Variants in MYL1 observed in about 807,000 individuals in gnomAD.
MYL1 encodes the protein myosin light chain 1/3, skeletal muscle isoform.
A neutral mutation model predicts 21.8 loss-of-function variants in MYL1; 16 were observed. The observed-to-expected ratio is 0.74, with a 90% confidence interval of 0.50 to 1.12. MYL1 has a LOEUF of 1.12. MYL1 is among the 50% of genes most tolerant of loss of function. The pLI is 0.00. For missense variants in MYL1, 246 were observed against 241.0 expected, an observed-to-expected ratio of 1.02 and a Z score of -0.14; for synonymous variants, 99 against 85.2, an observed-to-expected ratio of 1.16 and a Z score of -0.89.
chr2:210,308,796 C>T (rs1229030536), intron 1 of MYL1, among the ~76,000 whole-genome samples: 1 of 151,932 alleles, frequency 6.6e-6, no homozygotes, highest in Non-Finnish European at 1.5e-5. Context: ...TTCTTGAGAG[C>T]TGGCCATACT....
At chr2:210,310,261 C>T (rs574000877) in intron 1 of MYL1, among the ~76,000 whole-genome samples, 10 of 152,064 alleles carry the variant, frequency 6.6e-5, no homozygotes, top group East Asian at 5.8e-4. Flanking sequence ...CTGTGTTTTT[C>T]GAATTAGAAA....
At chr2:210,304,843 A>G (rs1315117815) in intron 1 of MYL1, among the ~76,000 whole-genome samples, 1 of 152,168 alleles carries the variant, frequency 6.6e-6, no homozygotes, top group African/African-American at 2.4e-5. Context: ...CCAAAACTGT[A>G]TTTTAGAATT....
At chr2:210,292,778 T>C (rs1389063460) in intron 5 of MYL1, among the ~76,000 whole-genome samples, 1 of 152,248 alleles carries the variant, frequency 6.6e-6, no homozygotes, top group Non-Finnish European at 1.5e-5. Context: ...ATGTAAATTA[T>C]TTGAAATTTG....
At position 210,307,534 on chromosome 2, in the gene MYL1, T is replaced by G. The variant is rs547571252; in HGVS notation, c.133-5019A>C. Among the ~76,000 whole-genome samples, 7 of 152,302 alleles carry G rather than the reference T, an allele frequency of 4.6e-5. No individual in the cohort carries two copies. In the South Asian group the frequency reaches 1.4e-3, roughly 32 times the overall value. On this transcript the variant is annotated intron_variant, in intron 1 of 6. Coordinates refer to ENST00000352451, the MANE Select transcript of MYL1 (RefSeq NM_079420.3). ...GTAGCACCTTCCTTTAGATTTTATA[T>G]CAATGTTTTTGACCTGGACTTCTAA...
chr2:210,308,313 T>C (rs1690368330), intron 1 of MYL1, among the ~76,000 whole-genome samples: 1 of 149,630 alleles, frequency 6.7e-6, no homozygotes, highest in African/African-American at 2.5e-5. Context: ...TTGGAAGTCT[T>C]AGGAGTTCTG....
At chr2:210,301,701 T>G (rs899709956) in intron 2 of MYL1, among the ~76,000 whole-genome samples, 4 of 152,126 alleles carry the variant, frequency 2.6e-5, no homozygotes, top group African/African-American at 9.6e-5. Flanking sequence ...ATCAAGCTCC[T>G]GTGGAGTATG....
intron 2 of MYL1, among the ~76,000 whole-genome samples, chr2:210,298,764 C>G (rs1271041298): frequency 6.6e-6 from 1 of 152,114 alleles, no homozygotes; most frequent in African/African-American, 2.4e-5. Flanking sequence ...TATTTTAAAA[C>G]AGCATTTCCA....
At chr2:210,295,193 G>C (rs1690154391) in intron 3 of MYL1, among the ~76,000 whole-genome samples, 1 of 151,956 alleles carries the variant, frequency 6.6e-6, no homozygotes, top group Admixed American at 6.6e-5. Flanking sequence ...TTTACTACTT[G>C]TCTATATTTC....
intron 3 of MYL1, among the ~76,000 whole-genome samples, chr2:210,297,641 A>G (rs1332546164): frequency 6.6e-6 from 1 of 151,770 alleles, no homozygotes; most frequent in Non-Finnish European, 1.5e-5. Context: ...AGACTATTAT[A>G]CTTTTCAATA....
At chr2:210,295,433 A>G (rs1690158344) in intron 3 of MYL1, among the ~76,000 whole-genome samples, 1 of 152,034 alleles carries the variant, frequency 6.6e-6, no homozygotes, top group Admixed American at 6.6e-5. Flanking sequence ...CAGGAGTTTG[A>G]GACCAGCCTG....
chr2:210,303,699 C>T (rs1232778255), intron 1 of MYL1: 2 of 1,053,544 alleles, frequency 1.9e-6, no homozygotes, highest in Non-Finnish European at 2.7e-6. Flanking sequence ...AGATAAGTTG[C>T]CACACCCCTT....
chr2:210,302,834 C>G (rs1394696464), intron 1 of MYL1: 4 of 1,549,914 alleles, frequency 2.6e-6, no homozygotes, highest in Non-Finnish European at 1.7e-6. Flanking sequence ...AAAACTAGTA[C>G]TCTTTCAAAT....
chr2:210,314,712 A>G (rs997922447), intron 1 of MYL1, among the ~76,000 whole-genome samples, 199 bp downstream of exon 1: 7 of 152,238 alleles, frequency 4.6e-5, no homozygotes, highest in African/African-American at 1.7e-4. Context: ...CAGGCTTCAC[A>G]TATGATACCA....
At chr2:210,306,674 G>T (rs117320460) in intron 1 of MYL1, among the ~76,000 whole-genome samples, 1 of 151,602 alleles carries the variant, frequency 6.6e-6, no homozygotes, top group East Asian at 1.9e-4. Flanking sequence ...CCTAGATTCT[G>T]TGCTCATAGA....
intron 2 of MYL1, 55 bp downstream of exon 2, chr2:210,302,433 A>G (rs369133225): frequency 1.9e-5 from 29 of 1,541,482 alleles, no homozygotes; most frequent in Non-Finnish European, 2.5e-5. Flanking sequence ...GTTGGTTTTC[A>G]CACATGCCAT....
intron 1 of MYL1, among the ~76,000 whole-genome samples, chr2:210,309,396 G>A (rs1690385132): frequency 6.6e-6 from 1 of 152,002 alleles, no homozygotes; most frequent in Admixed American, 6.6e-5. Context: ...GTATAAAGTT[G>A]ATAAGATGTA....
At chr2:210,302,344 G>C in intron 2 of MYL1, 144 bp downstream of exon 2, 2 of 633,334 alleles carry the variant, frequency 3.2e-6, no homozygotes, top group South Asian at 3.1e-5. Flanking sequence ...TTTATATTTA[G>C]AGTGATCGAG....
chr2:210,294,339 G>T lies in MYL1; in HGVS notation c.384C>A (p.Thr128=), dbSNP rs139637576. The part of the protein sequence containing the change: ...QAISNNKDQA[T]YEDFVEGLRV... ...GCAGACCCTCAACAAAGTCTTCATA[G>T]GTGGCCTGGTCCTTGTTGTTGGAAA... The change falls in exon 4 of 7, where the codon ACC becomes ACA. Residue 128 remains threonine, a synonymous_variant. Coordinates refer to ENST00000352451, the MANE Select transcript of MYL1 (RefSeq NM_079420.3). 1,002 of 1,614,040 alleles carry T rather than the reference G, an allele frequency of 6.2e-4. 1 individual carries two copies. The highest frequency in any genetic ancestry group is 7.8e-4 in the Non-Finnish European group (925 of 1,179,968).
intron 1 of MYL1, among the ~76,000 whole-genome samples, chr2:210,308,196 G>A (rs770984182): frequency 6.6e-6 from 1 of 151,650 alleles, no homozygotes; most frequent in Non-Finnish European, 1.5e-5. Context: ...GCCTGGCAGA[G>A]AGACCAAAGA....
Sources: allele counts gnomAD v4.1 joint callset (sites outside exome capture counted in the v4.1 genomes callset), GRCh38; gene constraint gnomAD v4.1.1; transcripts MANE v1.5; gene names NCBI Gene and HGNC (gene_info 2026-07-23, HGNC 2026-07-21).